ARHGEF7: variants seen among roughly 807,000 people sequenced by gnomAD.
ARHGEF7 encodes PAK-interacting exchange factor beta.
In ARHGEF7, 33 loss-of-function variants were observed where a neutral mutation model predicts 109.8. The observed-to-expected ratio is 0.30, with a 90% CI of 0.23 to 0.40. The LOEUF is 0.40. Among genes scored for constraint, ARHGEF7 ranks in the 10% least tolerant of loss-of-function variants. The pLI is 1.00. For missense variants in ARHGEF7, 938 were observed against 1,098.5 expected (o/e 0.85, Z 2.07); for synonymous variants, 458 against 424.6 (o/e 1.08, Z -0.97).
Position 111,115,552 on chromosome 13 carries a change from C to G in ARHGEF7, c.26C>G (p.Thr9Arg). Residue 9 changes from threonine to arginine, a missense_variant, in exon 1 of 22, where the codon ACG becomes AGG. Around this residue, in one of 4 missense-constraint regions of ARHGEF7, gnomAD observed 165 missense variants for 125.8 expected, o/e 1.31. Coordinates refer to ENST00000646102, the MANE Select transcript of ARHGEF7 (RefSeq NM_001354046.2). MNSAEQTV[T>R]WLITLGVLES... ...ATGAATTCCGCCGAGCAAACCGTTACGTGGCTCATCACTCTGGGGGTGCTG... is the reference window on the plus strand; with the variant it reads ...ATGAATTCCGCCGAGCAAACCGTTAGGTGGCTCATCACTCTGGGGGTGCTG... The G allele has an allele frequency of 1.4e-6, 2 of 1,405,498 alleles. No individual in the cohort carries two copies. The highest frequency in any genetic ancestry group is 1.9e-6 in the Non-Finnish European group (2 of 1,060,652). 87.1% of individuals were successfully genotyped at this position (1,405,498 alleles called of 1,614,324 possible). A position where few individuals can be genotyped will look rare whatever the true frequency, so the allele number is the denominator to read the frequency against.
intron 19 of ARHGEF7, chr13:111,293,260 C>A: frequency 1.2e-5 from 12 of 985,426 alleles, no homozygotes; most frequent in Non-Finnish European, 1.4e-5. Flanking sequence ...CTCCCCACCC[C>A]TGACATCCAT....
At chr13:111,119,799 G>T (rs2067054532) in intron 1 of ARHGEF7, among the ~76,000 whole-genome samples, 1 of 152,164 alleles carries the variant, frequency 6.6e-6, no homozygotes. Flanking sequence ...GTTAGGGGCT[G>T]GGGTGAGGAG....
intron 1 of ARHGEF7, chr13:111,144,069 G>A (rs1187288549): frequency 6.6e-6 from 1 of 152,210 alleles, no homozygotes; most frequent in Non-Finnish European, 1.5e-5. Flanking sequence ...GGGGATGCAT[G>A]AGTCAGTTGA....
intron 5 of ARHGEF7, among the ~76,000 whole-genome samples, chr13:111,222,088 G>T (rs12872481): frequency 6.6e-6 from 1 of 152,016 alleles, no homozygotes; most frequent in Non-Finnish European, 1.5e-5. Flanking sequence ...GCCTTTCCCA[G>T]TTCACGGACT....
intron 2 of ARHGEF7, among the ~76,000 whole-genome samples, chr13:111,193,227 C>T (rs890288254): frequency 5.3e-5 from 8 of 152,198 alleles, no homozygotes; most frequent in African/African-American, 1.4e-4. Flanking sequence ...ACTATGCCCC[C>T]GTGAAAGTCC....
intron 6 of ARHGEF7, among the ~76,000 whole-genome samples, chr13:111,241,919 G>C (rs950726024): frequency 6.6e-6 from 1 of 152,182 alleles, no homozygotes; most frequent in African/African-American, 2.4e-5. Context: ...TTTAGCTCAA[G>C]ATCTCATTAT....
intron 2 of ARHGEF7, among the ~76,000 whole-genome samples, chr13:111,199,781 C>T (rs2080995996): frequency 6.6e-6 from 1 of 152,158 alleles, no homozygotes; most frequent in Non-Finnish European, 1.5e-5. Flanking sequence ...GCTTCAGTTT[C>T]TTCTGTGGGG....
At position 111,275,519 on chromosome 13, in the gene ARHGEF7, C is replaced by T. The variant is rs772004722; in HGVS notation, c.1273-13C>T. 16 of 1,613,518 alleles carry T rather than the reference C, an allele frequency of 9.9e-6. No individual in the cohort carries two copies. The highest frequency in any genetic ancestry group is 1.4e-5 in the Non-Finnish European group (16 of 1,179,898). On this transcript the variant is annotated splice_polypyrimidine_tract_variant and intron_variant, in intron 11 of 21. Coordinates refer to ENST00000646102, the MANE Select transcript of ARHGEF7 (RefSeq NM_001354046.2). ...GTTTATGTCTGTTAACAGTGTTGTT[C>T]TGTGTCTGTCAGGCCCAATGTCAAG... is the stretch of plus-strand genomic sequence containing the variant.
At chr13:111,133,763 TTATATATATATATATA>T (rs763290549) in intron 1 of ARHGEF7, among the ~76,000 whole-genome samples, 20 of 7,382 alleles carry the variant, frequency 2.7e-3, no homozygotes, top group African/African-American at 0.011. Flanking sequence ...CTGCTTTTCT[TTATATATATATATATA>T]TATATATATA....
chr13:111,179,670 T>C (rs2078548877), intron 2 of ARHGEF7, among the ~76,000 whole-genome samples: 1 of 152,222 alleles, frequency 6.6e-6, no homozygotes, highest in Non-Finnish European at 1.5e-5. Context: ...GGGTCATGCA[T>C]TACATCTGGT....
At chr13:111,132,790 G>A (rs930580626) in intron 1 of ARHGEF7, among the ~76,000 whole-genome samples, 2 of 152,076 alleles carry the variant, frequency 1.3e-5, no homozygotes, top group African/African-American at 2.4e-5. Flanking sequence ...TCCATGTGTG[G>A]GAGAAGTAAA....
At chr13:111,257,732 G>A (rs1276979995) in intron 8 of ARHGEF7, among the ~76,000 whole-genome samples, 3 of 152,232 alleles carry the variant, frequency 2.0e-5, no homozygotes, top group South Asian at 4.1e-4. Context: ...CCTCAACTTC[G>A]GCAGCAGCCA....
chr13:111,165,642 G>A (rs915297524), intron 2 of ARHGEF7, among the ~76,000 whole-genome samples: 1 of 152,174 alleles, frequency 6.6e-6, no homozygotes, highest in Admixed American at 6.5e-5. Context: ...ATTAGCTGTA[G>A]TCTGTTGAAC....
chr13:111,249,054 G>A (rs1287266561), intron 8 of ARHGEF7, among the ~76,000 whole-genome samples: 1 of 152,136 alleles, frequency 6.6e-6, no homozygotes, highest in South Asian at 2.1e-4. Context: ...AGTTGGCCTT[G>A]CAAGTTCTGT....
In ARHGEF7 at chr13:111,258,826, T is replaced by A. The variant is rs2090759667; in HGVS notation, c.951-8722T>A. Among the ~76,000 whole-genome samples the A allele has an allele frequency of 6.6e-6, 1 of 152,170 alleles. No homozygotes were observed. Among genetic ancestry groups the A allele is most frequent in the Non-Finnish European group, 1.5e-5 (1 of 68,032 alleles). On this transcript the variant is annotated intron_variant, in intron 8 of 21. Transcript: ENST00000646102. This position sits in a 1 kb window ranked among gnomAD's most constrained non-coding sequence, Gnocchi z 4.4. ...TGTTAGACATGATTTCGGGACCTGCTGTGGGCTAGAAGGCAGCCCACTGCT... is the reference window on the plus strand; with the variant it reads ...TGTTAGACATGATTTCGGGACCTGCAGTGGGCTAGAAGGCAGCCCACTGCT...
chr13:111,137,715 C>T (rs2075151962), intron 1 of ARHGEF7, among the ~76,000 whole-genome samples: 1 of 151,752 alleles, frequency 6.6e-6, no homozygotes. Flanking sequence ...TTTTTTCATA[C>T]AACAGAAGAG....
At chr13:111,217,995 G>A (rs1274835901) in intron 5 of ARHGEF7, 115 bp downstream of exon 5, 1 of 1,095,104 alleles carries the variant, frequency 9.1e-7, no homozygotes, top group Non-Finnish European at 1.3e-6. Flanking sequence ...CTGGTCTTAG[G>A]ATACAGTTTT....
intron 1 of ARHGEF7, among the ~76,000 whole-genome samples, chr13:111,147,871 G>C (rs893808563): frequency 6.6e-6 from 1 of 151,716 alleles, no homozygotes; most frequent in East Asian, 1.9e-4. Flanking sequence ...CTAATTTTTT[G>C]TATTTTTAGT....
chr13:111,231,147 C>G (rs181397943), intron 5 of ARHGEF7, among the ~76,000 whole-genome samples: 1 of 152,188 alleles, frequency 6.6e-6, no homozygotes, highest in African/African-American at 2.4e-5. Flanking sequence ...TGTGGACAGT[C>G]TCCCCTGCAA....
Sources: allele counts gnomAD v4.1 joint callset (sites outside exome capture counted in the v4.1 genomes callset), GRCh38; gene constraint gnomAD v4.1.1; regional missense constraint gnomAD v4.1.1; non-coding constraint Gnocchi (gnomAD v3.1); transcripts MANE v1.5; gene names NCBI Gene and HGNC (gene_info 2026-07-23, HGNC 2026-07-21).